OS9: variants seen among roughly 807,000 people sequenced by gnomAD.
OS9 encodes protein OS-9.
A neutral mutation model predicts 84.7 loss-of-function variants in OS9; 58 were observed. The ratio of observed to expected loss-of-function variants is 0.68; its 90% CI spans 0.55 to 0.85. The LOEUF (loss-of-function observed/expected upper bound fraction) is 0.85, where lower values mean the gene tolerates loss of function less well. Among genes scored for constraint, OS9 ranks in the 40% least tolerant of loss-of-function variants. OS9 has a pLI of 0.00. For synonymous variants in OS9, 278 were observed against 320.8 expected, an observed-to-expected ratio of 0.87 and a Z score of 1.43; for missense variants, 760 against 850.9, an observed-to-expected ratio of 0.89 and a Z score of 1.33.
chr12:57,707,076 T>G (rs1954192352), intron 5 of OS9, among the ~76,000 whole-genome samples: 1 of 152,124 alleles, frequency 6.6e-6, no homozygotes, highest in Admixed American at 6.6e-5. Context: ...AATTACAGAT[T>G]TTTTTGTTTT....
intron 9 of OS9, among the ~76,000 whole-genome samples, chr12:57,717,560 A>C (rs1460192128): frequency 6.6e-6 from 1 of 152,208 alleles, no homozygotes; most frequent in African/African-American, 2.4e-5. Context: ...TGGGAGGCTG[A>C]GGCAGGTGGA....
Position 57,717,907 on chromosome 12 carries a change from C to A in OS9, c.1083C>A (p.Ser361Arg). 1 of 1,612,554 alleles carries A rather than the reference C, an allele frequency of 6.2e-7. No individual in the cohort carries two copies. Among genetic ancestry groups the A allele is most frequent in the Non-Finnish European group, 8.5e-7 (1 of 1,179,456 alleles). ...ACGTGCAGGTCAAAGTCATTCGAAGCCCTGCGGATTTGATTCGATTCATAG... is the reference window on the plus strand; with the variant it reads ...ACGTGCAGGTCAAAGTCATTCGAAGACCTGCGGATTTGATTCGATTCATAG... ...QNNVQVKVIR[S>R]PADLIRFIEE... The change falls in exon 10 of 15, where the codon AGC becomes AGA. Residue 361 changes from serine (S) to arginine (R), a missense_variant. Physicochemically the swap from Ser to Arg is moderately radical, Grantham distance 110 (BLOSUM62 -1). Transcript: ENST00000315970.
intron 2 of OS9, 94 bp from the exon 3 acceptor site, chr12:57,695,686 A>T (rs1305729904): frequency 1.2e-6 from 1 of 807,682 alleles, no homozygotes; most frequent in African/African-American, 1.7e-5. Flanking sequence ...GTGTAAGTAG[A>T]TGAGAGGTTA....
chr12:57,707,948 C>G (rs1364404836), intron 5 of OS9, among the ~76,000 whole-genome samples: 1 of 150,618 alleles, frequency 6.6e-6, no homozygotes, highest in Non-Finnish European at 1.5e-5. Context: ...AAAAAATTAG[C>G]CAGGTGTGGT....
chr12:57,716,104 AT>A lies in OS9; in HGVS notation c.804del (p.Tyr268Ter). On this transcript the variant is annotated frameshift_variant, in exon 7 of 15. Coordinates refer to ENST00000315970, the MANE Select transcript of OS9 (RefSeq NM_006812.4). LOFTEE classifies it high-confidence loss of function. Reference protein sequence around the residue: ...YVQRQADSKQYGDKIIEELQD... With the variant: ...YVQRQADSKQXGDKIIEELQD... ...TGTTTCTCAGTAGACTCAAAGCAGT[AT>A]GGAGATAAAATCATAGAGGAGCTGC... The A allele has an allele frequency of 6.2e-7, 1 of 1,613,490 alleles. No homozygotes were observed. Among genetic ancestry groups the A allele is most frequent in the East Asian group, 2.2e-5 (1 of 44,866 alleles).
chr12:57,706,967 T>G (rs1954188510), intron 5 of OS9, among the ~76,000 whole-genome samples: 1 of 152,062 alleles, frequency 6.6e-6, no homozygotes, highest in African/African-American at 2.4e-5. Context: ...ATTTAAAGAT[T>G]ATAAGACTTT....
intron 2 of OS9, among the ~76,000 whole-genome samples, chr12:57,695,330 C>A (rs1406034370): frequency 1.3e-5 from 2 of 152,022 alleles, no homozygotes; most frequent in African/African-American, 4.8e-5. Flanking sequence ...GGTCTGATTC[C>A]CCGCATTAGA....
intron 5 of OS9, among the ~76,000 whole-genome samples, chr12:57,705,934 A>C (rs1001530437): frequency 6.6e-6 from 1 of 152,204 alleles, no homozygotes; most frequent in Admixed American, 6.5e-5. Flanking sequence ...AGTAGTTCAC[A>C]AATTCTTGTG....
chr12:57,714,182 CAA>C, intron 5 of OS9, among the ~76,000 whole-genome samples: 1 of 151,834 alleles, frequency 6.6e-6, no homozygotes, highest in East Asian at 1.9e-4. Context: ...GGAAAATTTC[CAA>C]AGAGTTTAAA....
At chr12:57,717,450 G>C (rs1595064297) in intron 9 of OS9, among the ~76,000 whole-genome samples, 1 of 152,170 alleles carries the variant, frequency 6.6e-6, no homozygotes, top group South Asian at 2.1e-4. Context: ...GATTGCTTGA[G>C]CCCAGGAGTT....
chr12:57,716,242 C>A, intron 7 of OS9, 49 bp downstream of exon 7: 2 of 1,187,206 alleles, frequency 1.7e-6, no homozygotes, highest in Non-Finnish European at 2.5e-6. Flanking sequence ...CATTTCTTCC[C>A]TTCCCCTGAT....
At chr12:57,702,302 C>G (rs189583880) in intron 5 of OS9, among the ~76,000 whole-genome samples, 5 of 152,328 alleles carry the variant, frequency 3.3e-5, no homozygotes, top group Admixed American at 3.3e-4. Context: ...GTTTCCTGTT[C>G]TAGGTACTTC....
chr12:57,721,027 G>A lies in OS9; in HGVS notation c.*118G>A, dbSNP rs1435823795. The A allele has an allele frequency of 8.1e-7, 1 of 1,233,774 alleles. No homozygotes were observed. The allele number at this position is 1,233,774 out of a possible 1,614,324, so 76.4% of individuals were successfully genotyped here. A position where few individuals can be genotyped will look rare whatever the true frequency, so the allele number is the denominator to read the frequency against. Reference sequence around the variant, plus strand: ...CCAAACAGCAGAGTGGAGCTGAGCTGTGGACCTCTCGGGCAACTCTGTGGG... The same window carrying A: ...CCAAACAGCAGAGTGGAGCTGAGCTATGGACCTCTCGGGCAACTCTGTGGG... On this transcript the variant is annotated 3_prime_UTR_variant, in exon 15 of 15. Transcript: ENST00000315970.
chr12:57,696,202 T>C (rs1380062988), intron 4 of OS9, 73 bp from the exon 5 acceptor site: 1 of 1,338,102 alleles, frequency 7.5e-7, no homozygotes, highest in East Asian at 2.3e-5. Flanking sequence ...TTTGTCTCTT[T>C]GGGGACGCAG....
In OS9 at chr12:57,716,487, C is replaced by A; in HGVS notation, c.968C>A (p.Pro323Gln). 1 of 1,575,514 alleles carries A rather than the reference C, an allele frequency of 6.3e-7. No individual in the cohort carries two copies. Among genetic ancestry groups the A allele is most frequent in the Non-Finnish European group, 8.6e-7 (1 of 1,159,758 alleles). The change falls in exon 8 of 15, where the codon CCA (proline) becomes CAA (glutamine). Residue 323 changes from proline (P) to glutamine (Q), a missense_variant. Transcript: ENST00000315970. ...KMLNEPEDQA[P>Q]GGEEVPAEEQ... ...CTTAATGAGCCAGAGGACCAGGCCC[C>A]AGGAGGGGAGGAGGTGCCGGCTGAG...
chr12:57,697,592 A>G (rs573912024), intron 5 of OS9, among the ~76,000 whole-genome samples: 1 of 152,166 alleles, frequency 6.6e-6, no homozygotes, highest in Non-Finnish European at 1.5e-5. Flanking sequence ...GGTTTTGGAT[A>G]TTGAAGGTTG....
In OS9 at chr12:57,696,020, G is replaced by A; in HGVS notation, c.462G>A (p.Trp154Ter). Residue 154 changes from tryptophan to a stop codon, truncating the protein, a stop_gained, in exon 4 of 15, where the codon TGG becomes TGA. Transcript: ENST00000315970. LOFTEE classifies it high-confidence loss of function. ...YLGYYQSAFD[W>*]DDETAKASKQ... is the part of the protein sequence containing the mutation. ...GCTACTACCAATCAGCCTTCGACTG[G>A]GATGATGAAACAGCCAAGGTGGCAA... 6.2e-7 allele frequency: 1 copy of A among 1,613,198 alleles called. No individual in the cohort carries two copies. Among genetic ancestry groups the A allele is most frequent in the Non-Finnish European group, 8.5e-7 (1 of 1,179,146 alleles).
At chr12:57,718,571 G>C (rs1954581600) in intron 11 of OS9, 150 bp downstream of exon 11, 2 of 829,828 alleles carry the variant, frequency 2.4e-6, no homozygotes, top group Admixed American at 2.9e-5. Context: ...AATCGGGGCT[G>C]TTGGGGAAGG....
At chr12:57,701,083 G>A (rs1195576618) in intron 5 of OS9, among the ~76,000 whole-genome samples, 1 of 141,508 alleles carries the variant, frequency 7.1e-6, no homozygotes, top group African/African-American at 2.6e-5. Flanking sequence ...TCTCCCTCCC[G>A]CCAGAAACAA....
Sources: gnomAD v4.1 joint callset for allele counts (sites outside exome capture counted in the v4.1 genomes callset) on GRCh38, gnomAD v4.1.1 for gene constraint, MANE v1.5 for transcripts, NCBI Gene and HGNC (gene_info 2026-07-23, HGNC 2026-07-21) for gene names.